The following ZNF618 variants were observed in gnomAD, a reference collection of about 807,000 sequenced individuals.
The protein encoded by ZNF618 is neural precursor cell expressed, developmentally down-regulated 10.
Under a neutral mutation model 103.0 loss-of-function variants are expected in ZNF618, and 34 were observed. That is an observed-to-expected ratio of 0.33 (90% CI 0.25 to 0.44). The LOEUF (loss-of-function observed/expected upper bound fraction) is 0.44, where lower values mean the gene tolerates loss of function less well. ZNF618 is among the 20% of genes least tolerant of loss of function. ZNF618 has a pLI of 1.00. For missense variants in ZNF618, 1,059 were observed against 1,295.4 expected (o/e 0.82, Z 2.80); for synonymous variants, 551 against 542.2 (o/e 1.02, Z -0.23).
chr9:113,942,101 C>G (rs1354201305), intron 1 of ZNF618, among the ~76,000 whole-genome samples: 1 of 152,194 alleles, frequency 6.6e-6, no homozygotes, highest in African/African-American at 2.4e-5. Flanking sequence ...ACTGTTTTTT[C>G]TGTAATTCCT....
At chr9:114,040,639 G>A (rs1047130641) in intron 13 of ZNF618, among the ~76,000 whole-genome samples, 3 of 152,138 alleles carry the variant, frequency 2.0e-5, no homozygotes, top group African/African-American at 7.2e-5. Context: ...CTTCATCCAT[G>A]TCCCTACAAA....
chr9:114,050,540 A>C lies in ZNF618; in HGVS notation c.*373A>C. 5.9e-6 allele frequency: 1 copy of C among 169,200 alleles called. No homozygotes were observed. The highest frequency in any genetic ancestry group is 1.3e-5 in the Non-Finnish European group (1 of 79,642). The allele number at this position is 169,200 out of a possible 1,614,324, so 10.5% of individuals were successfully genotyped here. ...GTGCATTGAACTGGGCGTGTCAGGA[A>C]AGCTGAGCGATTGGGAAAGAGGGAG... On this transcript the variant is annotated 3_prime_UTR_variant, in exon 15 of 15. Coordinates refer to ENST00000374126, the MANE Select transcript of ZNF618 (RefSeq NM_001318042.2).
At chr9:113,967,138 A>G (rs1012860534) in intron 1 of ZNF618, among the ~76,000 whole-genome samples, 4 of 152,360 alleles carry the variant, frequency 2.6e-5, no homozygotes, top group Non-Finnish European at 4.4e-5. Flanking sequence ...ACACGCACAG[A>G]ATTAAGTCTG....
rs376109951 is a variant in ZNF618 at position 114,008,376 on chromosome 9, G to T, written c.673G>T (p.Ala225Ser). 31 of 1,613,996 alleles carry T rather than the reference G, an allele frequency of 1.9e-5. No individual in the cohort carries two copies. Among genetic ancestry groups the T allele is most frequent in the Non-Finnish European group, 2.6e-5 (31 of 1,179,880 alleles). ...TGTGGAAGGGGCCCCTGAGAACCGGGCAGGTAAGTCCTTGGTGTCTGCTTG... is the reference window on the plus strand; with the variant it reads ...TGTGGAAGGGGCCCCTGAGAACCGGTCAGGTAAGTCCTTGGTGTCTGCTTG... The part of the protein sequence containing the change: ...FSVEGAPENR[A>S]DPFDQGVVAT... The change falls in exon 8 of 15, where the codon GCA becomes TCA. Residue 225 changes from alanine to serine, a missense_variant. Physicochemically the swap from Ala to Ser is moderately conservative, Grantham distance 99. Transcript: ENST00000374126.
At position 113,988,379 on chromosome 9, in the gene ZNF618, G is replaced by A. The variant is rs1332510108; in HGVS notation, c.136G>A (p.Ala46Thr). 1 of 1,613,422 alleles carries A rather than the reference G, an allele frequency of 6.2e-7. No individual in the cohort carries two copies. The highest frequency in any genetic ancestry group is 2.2e-5 in the East Asian group (1 of 44,892). Residue 46 changes from alanine to threonine, a missense_variant, in exon 3 of 15, where the codon GCC becomes ACC. Around this residue, in one of 6 missense-constraint regions of ZNF618, gnomAD observed 194 missense variants for 209.0 expected, o/e 0.93. Coordinates refer to ENST00000374126, the MANE Select transcript of ZNF618 (RefSeq NM_001318042.2). ...GGTGGAGGGCCCAGAGCCAGTGCCA[G>A]CCGAGGCCTCGCTGAGTGCCGAGCA... ...TKVEGPEPVP[A>T]EASLSAEQGT...
chr9:114,006,357 C>T (rs4978562), intron 6 of ZNF618, among the ~76,000 whole-genome samples: 47,508 of 152,104 alleles, frequency 0.31, 8,502 homozygotes, highest in East Asian at 0.61. Flanking sequence ...CCTCCCCACA[C>T]CGGGCAGCCT....
chr9:113,890,792 G>A (rs1425673574), intron 1 of ZNF618, among the ~76,000 whole-genome samples: 2 of 152,120 alleles, frequency 1.3e-5, no homozygotes, highest in Non-Finnish European at 2.9e-5. Flanking sequence ...TTATATCTTT[G>A]ATGGCCTGAT....
At chr9:114,027,200 C>T (rs1169429421) in intron 10 of ZNF618, among the ~76,000 whole-genome samples, 1 of 152,152 alleles carries the variant, frequency 6.6e-6, no homozygotes, top group Non-Finnish European at 1.5e-5. Context: ...AGACAGAGAG[C>T]AGGAGAGTAG....
At chr9:113,891,269 C>A (rs887952849) in intron 1 of ZNF618, among the ~76,000 whole-genome samples, 1 of 151,944 alleles carries the variant, frequency 6.6e-6, no homozygotes, top group African/African-American at 2.4e-5. Flanking sequence ...GGTTAATATC[C>A]AGAATATATA....
intron 6 of ZNF618, among the ~76,000 whole-genome samples, chr9:114,006,904 T>C (rs1428914527): frequency 6.6e-6 from 1 of 152,160 alleles, no homozygotes; most frequent in Admixed American, 6.5e-5. Context: ...CACCTGTGTC[T>C]CTCATGGGGC....
At chr9:113,998,701 A>G (rs748499493) in intron 4 of ZNF618, among the ~76,000 whole-genome samples, 4 of 152,234 alleles carry the variant, frequency 2.6e-5, no homozygotes, top group Non-Finnish European at 5.9e-5. Flanking sequence ...GTTAAACAGT[A>G]GCTGACCTCT....
At chr9:114,016,813 G>T in intron 10 of ZNF618, 29 bp downstream of exon 10, 5 of 1,585,022 alleles carry the variant, frequency 3.2e-6, no homozygotes, top group South Asian at 1.1e-5. Flanking sequence ...TAGGGATGGG[G>T]GTTGGGGGAC....
chr9:113,883,980 TGGCCCCC>T (rs965818328), intron 1 of ZNF618, among the ~76,000 whole-genome samples: 36 of 49,364 alleles, frequency 7.3e-4, no homozygotes, highest in African/African-American at 2.5e-3. Flanking sequence ...TCTCTGGGCT[TGGCCCCC>T]CCCCCCCCCC....
intron 9 of ZNF618, among the ~76,000 whole-genome samples, chr9:114,008,918 T>C (rs1314332196): frequency 6.6e-6 from 1 of 152,198 alleles, no homozygotes; most frequent in Non-Finnish European, 1.5e-5. Context: ...ATCCTGGATG[T>C]GAACCACTTG....
At chr9:113,977,594 T>C (rs1401720239) in intron 2 of ZNF618, among the ~76,000 whole-genome samples, 1 of 152,224 alleles carries the variant, frequency 6.6e-6, no homozygotes, top group Admixed American at 6.5e-5. Flanking sequence ...GGGGATATTC[T>C]ATCTGGGAGA....
At chr9:113,890,049 C>G (rs550530934) in intron 1 of ZNF618, among the ~76,000 whole-genome samples, 2 of 152,300 alleles carry the variant, frequency 1.3e-5, no homozygotes, top group African/African-American at 4.8e-5. Context: ...ATGTCAGGGT[C>G]AGGACTTGAA....
At chr9:113,974,861 C>T (rs1029934742) in intron 2 of ZNF618, among the ~76,000 whole-genome samples, 10 of 152,148 alleles carry the variant, frequency 6.6e-5, no homozygotes, top group Non-Finnish European at 1.5e-4. Context: ...CTGGCCCTGC[C>T]CATTGCCTGA....
intron 9 of ZNF618, among the ~76,000 whole-genome samples, chr9:114,010,301 CA>C (rs3034090): frequency 0.61 from 70,771 of 116,696 alleles, 20,646 homozygotes; most frequent in Middle Eastern, 0.76. Context: ...GACTCTGTCT[CA>C]AAAAAAAAAA....
chr9:113,948,990 C>T (rs576718872), intron 1 of ZNF618, among the ~76,000 whole-genome samples: 17 of 152,324 alleles, frequency 1.1e-4, no homozygotes, highest in South Asian at 6.2e-4. Flanking sequence ...AACTCAAGGA[C>T]GGTGGGCAGT....
Sources: allele counts gnomAD v4.1 joint callset (sites outside exome capture counted in the v4.1 genomes callset), GRCh38; gene constraint gnomAD v4.1.1; regional missense constraint gnomAD v4.1.1; transcripts MANE v1.5; gene names NCBI Gene and HGNC (gene_info 2026-07-23, HGNC 2026-07-21).